Variants in MC2R observed in about 807,000 individuals in gnomAD.
MC2R encodes melanocortin 2 receptor, also known as adrenocorticotropic hormone receptor.
MC2R carries 9 observed loss-of-function variants against 9.8 expected under a neutral mutation model. The ratio of observed to expected loss-of-function variants is 0.92; its 90% confidence interval spans 0.55 to 1.60. MC2R has a LOEUF of 1.60. Among genes scored for constraint, MC2R ranks in the 40% most tolerant of loss-of-function variants. The pLI is 0.00. For synonymous variants in MC2R, 185 were observed against 154.7 expected (o/e 1.20, Z -1.45); for missense variants, 370 against 389.0 (o/e 0.95, Z 0.41).
chr18:13,908,100 T>C (rs2045423767), intron 1 of MC2R, among the ~76,000 whole-genome samples: 1 of 152,214 alleles, frequency 6.6e-6, no homozygotes, highest in South Asian at 2.1e-4. Context: ...TGCAGCATTA[T>C]TCACGAAAGC....
In MC2R at chr18:13,885,027, G is replaced by T; in HGVS notation, c.492C>A (p.Thr164=). ...GCACATGATGGGAGAAGATCACCAT[G>T]GTGATGCCAGTCCCCGTGCAGAACG... ...IWTFCTGTGI[T]MVIFSHHVPT... is the part of the protein sequence containing the mutation. The change falls in exon 2 of 2, where the codon ACC becomes ACA. Residue 164 remains threonine, a synonymous_variant. Transcript: ENST00000327606. 6.2e-7 allele frequency: 1 copy of T among 1,614,166 alleles called. No individual in the cohort carries two copies. Among genetic ancestry groups the T allele is most frequent in the Non-Finnish European group, 8.5e-7 (1 of 1,180,036 alleles).
In MC2R at chr18:13,882,369, G is replaced by A. The variant is rs2045237514; in HGVS notation, c.*2256C>T. The A allele has an allele frequency of 6.6e-6, 1 of 152,188 alleles. No individual in the cohort carries two copies. Among genetic ancestry groups the A allele is most frequent in the Non-Finnish European group, 1.5e-5 (1 of 68,040 alleles). The allele number at this position is 152,188 out of a possible 1,614,324, so 9.4% of individuals were successfully genotyped here. A position where few individuals can be genotyped will look rare whatever the true frequency, so the allele number is the denominator to read the frequency against. ...AAGCTTCTGTTCTGATTGGAATATA[G>A]CAGAAGACCTAGAATTGAAAATGTC... On this transcript the variant is annotated 3_prime_UTR_variant, in exon 2 of 2. Transcript: ENST00000327606.
intron 1 of MC2R, among the ~76,000 whole-genome samples, chr18:13,886,628 A>G (rs2045277857): frequency 6.6e-6 from 1 of 152,192 alleles, no homozygotes; most frequent in South Asian, 2.1e-4. Flanking sequence ...ATTCCCAAAG[A>G]TGACTATACA....
intron 1 of MC2R, among the ~76,000 whole-genome samples, chr18:13,911,197 G>A (rs565767899): frequency 6.6e-6 from 1 of 152,316 alleles, no homozygotes; most frequent in African/African-American, 2.4e-5. Flanking sequence ...GAGAGGAGCT[G>A]AGGGCCGGGC....
chr18:13,892,448 C>A (rs1231075272), intron 1 of MC2R, among the ~76,000 whole-genome samples: 1 of 152,156 alleles, frequency 6.6e-6, no homozygotes, highest in African/African-American at 2.4e-5. Context: ...GGCACCCATC[C>A]CTGTTCAGCA....
At chr18:13,895,961 C>T (rs1449298414) in intron 1 of MC2R, among the ~76,000 whole-genome samples, 1 of 152,166 alleles carries the variant, frequency 6.6e-6, no homozygotes, top group Admixed American at 6.5e-5. Context: ...GGGACAGAGG[C>T]AGCCCAGAGG....
intron 1 of MC2R, among the ~76,000 whole-genome samples, chr18:13,910,406 T>C (rs1029468667): frequency 6.6e-6 from 1 of 152,222 alleles, no homozygotes; most frequent in South Asian, 2.1e-4. Flanking sequence ...TTCACTGTTT[T>C]GTTGGCTCTT....
intron 1 of MC2R, among the ~76,000 whole-genome samples, chr18:13,914,867 G>A (rs528234862): frequency 2.0e-4 from 31 of 152,358 alleles, no homozygotes; most frequent in South Asian, 4.1e-4. Context: ...CTTTGCAGGA[G>A]TATGTGATAA....
In MC2R at chr18:13,909,764, G is replaced by A. The variant is rs77504825; in HGVS notation, c.-129+5724C>T. Among the ~76,000 whole-genome samples, 26 of 152,168 alleles carry A rather than the reference G, an allele frequency of 1.7e-4. No individual in the cohort carries two copies. The East Asian group carries it at 4.6e-3, about 27-fold the overall frequency. On this transcript the variant is annotated intron_variant, in intron 1 of 1. Transcript: ENST00000327606. ...TTTCTGGAACACTTATTTACTCTCT[G>A]GCACTGCAAGATGTTCCAGGCTCAA...
In MC2R at chr18:13,884,939, C is replaced by A; in HGVS notation, c.580G>T (p.Val194Leu). ...LMLVFILCLYVHMFLLARSHT... is the reference protein window; with the variant it reads ...LMLVFILCLYLHMFLLARSHT... ...GATCGAGCCAGCAGGAACATGTGCACATAGAGGCACAGGATGAAGACCAGC... is the reference window on the plus strand; with the variant it reads ...GATCGAGCCAGCAGGAACATGTGCAAATAGAGGCACAGGATGAAGACCAGC... The change falls in exon 2 of 2, where the codon GTG (valine) becomes TTG (leucine). Residue 194 changes from valine to leucine, a missense_variant. Coordinates refer to ENST00000327606, the MANE Select transcript of MC2R (RefSeq NM_000529.2). 6.2e-7 allele frequency: 1 copy of A among 1,613,956 alleles called. No homozygotes were observed. The highest frequency in any genetic ancestry group is 8.5e-7 in the Non-Finnish European group (1 of 1,179,992).
At chr18:13,910,821 A>G (rs1259798451) in intron 1 of MC2R, among the ~76,000 whole-genome samples, 1 of 152,178 alleles carries the variant, frequency 6.6e-6, no homozygotes, top group Non-Finnish European at 1.5e-5. Context: ...TCTCATCACA[A>G]CAGTGTTTGC....
intron 1 of MC2R, among the ~76,000 whole-genome samples, chr18:13,892,694 T>G (rs1306665495): frequency 3.3e-5 from 5 of 152,106 alleles, no homozygotes; most frequent in Non-Finnish European, 7.4e-5. Flanking sequence ...CACCCCATGG[T>G]TCAGTCAAGT....
intron 1 of MC2R, among the ~76,000 whole-genome samples, chr18:13,895,502 T>G (rs895955272): frequency 1.3e-5 from 2 of 152,102 alleles, no homozygotes; most frequent in Admixed American, 1.3e-4. Context: ...GATGGGACCT[T>G]CGTGCAAGAG....
chr18:13,893,220 G>A (rs2045327398), intron 1 of MC2R, among the ~76,000 whole-genome samples: 1 of 152,208 alleles, frequency 6.6e-6, no homozygotes, highest in Non-Finnish European at 1.5e-5. Context: ...TTATATGTCT[G>A]CATGATTCAC....
chr18:13,894,362 A>G (rs1276398878), intron 1 of MC2R, among the ~76,000 whole-genome samples: 1 of 152,154 alleles, frequency 6.6e-6, no homozygotes, highest in South Asian at 2.1e-4. Flanking sequence ...GTGGAAGTTA[A>G]TTTTTGCTTT....
intron 1 of MC2R, among the ~76,000 whole-genome samples, chr18:13,898,103 G>C (rs1432319391): frequency 6.6e-6 from 1 of 152,076 alleles, no homozygotes; most frequent in Non-Finnish European, 1.5e-5. Context: ...TTGACAAATG[G>C]ACAGCATTTC....
At chr18:13,887,928 C>T (rs2045287410) in intron 1 of MC2R, among the ~76,000 whole-genome samples, 1 of 152,132 alleles carries the variant, frequency 6.6e-6, no homozygotes, top group South Asian at 2.1e-4. Flanking sequence ...TATGTCTCTA[C>T]CCATCTCCTG....
At chr18:13,887,669 G>A (rs763897143) in intron 1 of MC2R, among the ~76,000 whole-genome samples, 20 of 152,202 alleles carry the variant, frequency 1.3e-4, no homozygotes, top group Non-Finnish European at 2.8e-4. Flanking sequence ...TCAGCAGAAA[G>A]CCTGAGGATA....
At chr18:13,911,794 T>A (rs926053430) in intron 1 of MC2R, among the ~76,000 whole-genome samples, 3 of 152,186 alleles carry the variant, frequency 2.0e-5, no homozygotes, top group African/African-American at 7.2e-5. Context: ...GGGGCTTTAA[T>A]CCAAGTAATC....
Sources: allele counts gnomAD v4.1 joint callset (sites outside exome capture counted in the v4.1 genomes callset), GRCh38; gene constraint gnomAD v4.1.1; transcripts MANE v1.5; gene names NCBI Gene and HGNC (gene_info 2026-07-23, HGNC 2026-07-21).